Variants in COQ5 observed in about 807,000 individuals in gnomAD.
The protein encoded by COQ5 is 2-methoxy-6-polyprenyl-1,4-benzoquinol methylase, mitochondrial.
Under a neutral mutation model 40.5 loss-of-function variants are expected in COQ5, and 27 were observed. That is an observed-to-expected ratio of 0.67 (90% CI 0.49 to 0.92). COQ5 has a LOEUF of 0.92. COQ5 is among the 40% of genes least tolerant of loss of function. COQ5 has a pLI of 0.00. For synonymous variants in COQ5, 141 were observed against 150.0 expected (o/e 0.94, Z 0.44); for missense variants, 409 against 406.4 (o/e 1.01, Z -0.06).
In COQ5 at chr12:120,524,505, C is replaced by T. The variant is rs184661675; in HGVS notation, c.203-2142G>A. Among the ~76,000 whole-genome samples, 361 of 152,198 alleles carry T rather than the reference C, an allele frequency of 2.4e-3. 2 individuals carry two copies. The highest frequency in any genetic ancestry group is 8.1e-3 in the African/African-American group (337 of 41,542). On this transcript the variant is annotated intron_variant, in intron 1 of 6. Coordinates refer to ENST00000288532, the MANE Select transcript of COQ5 (RefSeq NM_032314.4). Reference sequence around the variant, plus strand: ...TCGATCTCCTGACCTCGTGATCCGCCCGCCTCGGCCTCCCAAAGTGCTAGG... The same window carrying T: ...TCGATCTCCTGACCTCGTGATCCGCTCGCCTCGGCCTCCCAAAGTGCTAGG...
intron 3 of COQ5, 25 bp downstream of exon 3, chr12:120,516,542 T>C: frequency 6.6e-7 from 1 of 1,523,208 alleles, no homozygotes; most frequent in Non-Finnish European, 9.1e-7. Flanking sequence ...ATACTTCCCC[T>C]GTGTCTGCCT....
chr12:120,504,828 T>C, intron 5 of COQ5, 67 bp downstream of exon 5: 2 of 1,343,030 alleles, frequency 1.5e-6, no homozygotes, highest in South Asian at 1.2e-5. Flanking sequence ...CTGGCTATTT[T>C]CAATCCATTT....
At chr12:120,522,545 T>A (rs1225262414) in intron 1 of COQ5, 182 bp from the exon 2 acceptor site, 1 of 659,832 alleles carries the variant, frequency 1.5e-6, no homozygotes, top group East Asian at 2.6e-5. Flanking sequence ...TTTATTTTTT[T>A]TTCCTGCCTC....
At chr12:120,522,868 C>T (rs1869738336) in intron 1 of COQ5, 5 of 715,448 alleles carry the variant, frequency 7.0e-6, no homozygotes, top group East Asian at 2.5e-5. Context: ...TTTGGGATCT[C>T]GGGCTTAACC....
Position 120,520,621 on chromosome 12 carries a change from G to A in COQ5, c.352+1593C>T, listed in dbSNP as rs551575019. Among the ~76,000 whole-genome samples the A allele has an allele frequency of 3.3e-5, 5 of 151,736 alleles. No homozygotes were observed. The East Asian group carries it at 5.8e-4, about 18-fold the overall frequency. On this transcript the variant is annotated intron_variant, in intron 2 of 6. Coordinates refer to ENST00000288532, the MANE Select transcript of COQ5 (RefSeq NM_032314.4). ...TTACAGGCATGAGCCACCACACCCCGCCATCGCCCAGCTGAATTTTTGTAT... is the reference window on the plus strand; with the variant it reads ...TTACAGGCATGAGCCACCACACCCCACCATCGCCCAGCTGAATTTTTGTAT...
At chr12:120,521,978 CAG>C (rs900713261) in intron 2 of COQ5, among the ~76,000 whole-genome samples, 1 of 151,478 alleles carries the variant, frequency 6.6e-6, no homozygotes, top group African/African-American at 2.4e-5. Context: ...GCCTGGGCGA[CAG>C]AGTGAGACTC....
chr12:120,511,211 C>T (rs779003054), intron 3 of COQ5, among the ~76,000 whole-genome samples: 3 of 149,236 alleles, frequency 2.0e-5, no homozygotes, highest in Non-Finnish European at 4.4e-5. Context: ...GAGCTGAGAT[C>T]GCGCCACTGC....
intron 2 of COQ5, among the ~76,000 whole-genome samples, chr12:120,517,436 C>G (rs947551904): frequency 6.7e-6 from 1 of 149,576 alleles, no homozygotes; most frequent in African/African-American, 2.5e-5. Flanking sequence ...TTCGGGAGGC[C>G]GAGGCGGTTG....
intron 4 of COQ5, among the ~76,000 whole-genome samples, chr12:120,506,055 A>C (rs904150143): frequency 2.0e-5 from 3 of 152,068 alleles, no homozygotes; most frequent in Non-Finnish European, 4.4e-5. Context: ...GGGTTTCACC[A>C]TGTTGGCCAG....
chr12:120,517,176 G>A (rs974189503), intron 2 of COQ5, among the ~76,000 whole-genome samples: 4 of 151,926 alleles, frequency 2.6e-5, no homozygotes, highest in African/African-American at 7.3e-5. Context: ...GTGAAACCCC[G>A]TCTCTACATT....
chr12:120,516,114 G>A (rs1869363192), intron 3 of COQ5, among the ~76,000 whole-genome samples: 1 of 152,136 alleles, frequency 6.6e-6, no homozygotes, highest in Admixed American at 6.6e-5. Context: ...CAGGAGATGA[G>A]AGGTCCAGTT....
chr12:120,516,012 C>A (rs971632376), intron 3 of COQ5, among the ~76,000 whole-genome samples: 5 of 152,170 alleles, frequency 3.3e-5, no homozygotes, highest in African/African-American at 1.2e-4. Context: ...CAGCCTGGAA[C>A]TCTTGGGCTC....
intron 3 of COQ5, among the ~76,000 whole-genome samples, chr12:120,512,492 T>C (rs1302897105): frequency 6.6e-6 from 1 of 151,582 alleles, no homozygotes; most frequent in Admixed American, 6.6e-5. Context: ...TCCCAGCTAC[T>C]TGGGAGGCTG....
At chr12:120,513,681 G>A (rs1433116269) in intron 3 of COQ5, among the ~76,000 whole-genome samples, 3 of 151,496 alleles carry the variant, frequency 2.0e-5, no homozygotes, top group African/African-American at 7.3e-5. Context: ...CACCACGCCT[G>A]GCTAATTTTT....
chr12:120,524,396 G>A (rs998360693), intron 1 of COQ5, among the ~76,000 whole-genome samples: 2 of 152,070 alleles, frequency 1.3e-5, no homozygotes. Flanking sequence ...AAGTAGCTGG[G>A]ACTACAGGCA....
intron 2 of COQ5, among the ~76,000 whole-genome samples, chr12:120,519,169 T>C (rs1421324927): frequency 3.9e-5 from 6 of 152,168 alleles, no homozygotes; most frequent in African/African-American, 1.2e-4. Context: ...TGGGAAGAAA[T>C]AGGTTATTTC....
intron 1 of COQ5, chr12:120,523,526 G>A (rs958230787): frequency 1.4e-5 from 3 of 212,806 alleles, no homozygotes; most frequent in Non-Finnish European, 1.9e-5. Context: ...TTTAATAAGA[G>A]GCTTAAATGT....
At chr12:120,514,361 G>A (rs936758805) in intron 3 of COQ5, among the ~76,000 whole-genome samples, 2 of 152,082 alleles carry the variant, frequency 1.3e-5, no homozygotes, top group African/African-American at 4.8e-5. Context: ...ATGTTGACCT[G>A]AGGGACGTTC....
chr12:120,521,655 G>A (rs1335272277), intron 2 of COQ5, among the ~76,000 whole-genome samples: 1 of 147,054 alleles, frequency 6.8e-6, no homozygotes, highest in African/African-American at 2.5e-5. Context: ...CTGCAGTCTG[G>A]GAGACAGAGC....
Sources: allele counts gnomAD v4.1 joint callset (sites outside exome capture counted in the v4.1 genomes callset), GRCh38; gene constraint gnomAD v4.1.1; transcripts MANE v1.5; gene names NCBI Gene and HGNC (gene_info 2026-07-23, HGNC 2026-07-21).